Variants in CES5A observed in about 807,000 individuals in gnomAD.
CES5A encodes carboxylesterase 5.
Under a neutral mutation model 62.9 loss-of-function variants are expected in CES5A, and 67 were observed. The observed-to-expected ratio is 1.07, with a 90% CI of 0.88 to 1.31. CES5A has a LOEUF of 1.31. CES5A is among the 50% of genes most tolerant of loss of function. The pLI, the probability that CES5A is intolerant of heterozygous loss-of-function variation, is 0.00. For synonymous variants in CES5A, 296 were observed against 280.8 expected (o/e 1.05, Z -0.54); for missense variants, 748 against 708.5 (o/e 1.06, Z -0.63).
intron 2 of CES5A, among the ~76,000 whole-genome samples, chr16:55,941,797 G>A (rs2034449322): frequency 6.6e-6 from 1 of 152,032 alleles, no homozygotes; most frequent in Non-Finnish European, 1.5e-5. Context: ...GAGTTTCTTG[G>A]GGTGATCAAA....
intron 2 of CES5A, among the ~76,000 whole-genome samples, chr16:55,930,914 T>C (rs1402994872): frequency 6.6e-6 from 1 of 151,988 alleles, no homozygotes; most frequent in Non-Finnish European, 1.5e-5. Context: ...TCTTAAGTCA[T>C]AGACAAAAAA....
At position 55,866,671 on chromosome 16, in the gene CES5A, AAAAAAAATAC is replaced by A. The variant is rs1221327288; in HGVS notation, c.552-565_552-556del. On this transcript the variant is annotated intron_variant, in intron 4 of 12. Coordinates refer to ENST00000290567, the MANE Select transcript of CES5A (RefSeq NM_001143685.2). ...CTCTGTCTCTGCTAAAAAAAAAAAA[AAAAAAAATAC>A]AAAAAAATTAGCTGGACACGGTGGC... Among the ~76,000 whole-genome samples the A allele has an allele frequency of 8.5e-5, 12 of 140,612 alleles. 1 individual carries two copies. Among genetic ancestry groups the A allele is most frequent in the Non-Finnish European group, 1.1e-4 (7 of 63,730 alleles). The allele number at this position is 140,612 out of a possible 152,430, so 92.2% of individuals were successfully genotyped here. A position where few individuals can be genotyped will look rare whatever the true frequency, so the allele number is the denominator to read the frequency against.
rs1170954689 is a variant in CES5A at position 55,873,905 on chromosome 16, G to A, written c.206C>T (p.Ser69Phe). The change falls in exon 2 of 13, where the codon TCC (serine) becomes TTC (phenylalanine). Residue 69 changes from serine (S) to phenylalanine (F), a missense_variant. By Grantham distance (155) the Ser-to-Phe change is radical. Transcript: ENST00000290567. The part of the protein sequence containing the change: ...GVPFAAPPLG[S>F]LRFTNPQPAS... ...AGGCTGCGGGTTCGTAAATCGCAGG[G>A]ATCCCAGCGGGGGAGCAGCAAAGGG... 6.2e-7 allele frequency: 1 copy of A among 1,613,896 alleles called. No individual in the cohort carries two copies. Among genetic ancestry groups the A allele is most frequent in the Non-Finnish European group, 8.5e-7 (1 of 1,180,006 alleles).
At chr16:55,928,823 C>A (rs1455428492), upstream of CES5A, among the ~76,000 whole-genome samples, 1 of 152,180 alleles carries the variant, frequency 6.6e-6, no homozygotes, top group Non-Finnish European at 1.5e-5. Flanking sequence ...GCCTTTCCCC[C>A]ATCCCCTGCT....
rs78995996 is a variant in CES5A at position 55,953,663 on chromosome 16, T to C, written c.42+2181A>G. Among the ~76,000 whole-genome samples the C allele has an allele frequency of 8.9e-3, 1,347 of 152,144 alleles. 17 individuals carry two copies. The highest frequency in any genetic ancestry group is 0.027 in the African/African-American group (1,104 of 41,498). Reference sequence around the variant, plus strand: ...CTGGTTGTGATGTTACTAGGTGGAGTAGAGCTTAAATACCTGGTTTTGTTT... The same window carrying C: ...CTGGTTGTGATGTTACTAGGTGGAGCAGAGCTTAAATACCTGGTTTTGTTT... On this transcript the variant is annotated intron_variant, in intron 1 of 13. Coordinates refer to the CES5A transcript ENST00000521992.
At chr16:55,870,735 A>G (rs185562144) in intron 3 of CES5A, among the ~76,000 whole-genome samples, 1 of 152,274 alleles carries the variant, frequency 6.6e-6, no homozygotes, top group Non-Finnish European at 1.5e-5. Flanking sequence ...TATTGATTAG[A>G]AAAATTGGGA....
chr16:55,875,781 G>T (rs550780749), upstream of CES5A, among the ~76,000 whole-genome samples: 1 of 152,122 alleles, frequency 6.6e-6, no homozygotes, highest in South Asian at 2.1e-4. Flanking sequence ...AGGCTTCTTC[G>T]ATTATATTAT....
rs146072000 is a variant in CES5A, at chr16:55,849,337, G to C, written c.1423+287C>G. 5.1e-3 allele frequency among the ~76,000 whole-genome samples: 666 copies of C among 130,238 alleles called. 17 individuals carry two copies. Among genetic ancestry groups the C allele is most frequent in the Non-Finnish European group, 1.8e-3 (112 of 61,110 alleles). The allele number at this position is 130,238 out of a possible 152,430, so 85.4% of individuals were successfully genotyped here. A position where few individuals can be genotyped will look rare whatever the true frequency, so the allele number is the denominator to read the frequency against. On this transcript the variant is annotated intron_variant, in intron 11 of 12. Transcript: ENST00000290567. ...AGTGGTCAAAGAAAAGGAAGAAAAT[G>C]GTTCTAGTATATTAAAAAAAAAAAT...
At chr16:55,900,271 T>G (rs565297509) in intron 1 of CES5A, among the ~76,000 whole-genome samples, 67 of 152,208 alleles carry the variant, frequency 4.4e-4, no homozygotes, top group African/African-American at 1.6e-3. Context: ...TCATTCAGAC[T>G]CAAAAGAAAA....
In CES5A at chr16:55,846,197, A is replaced by T. The variant is rs1469796786; in HGVS notation, c.*254T>A. ...TTTATTTCATATGAGTTACAAAACC[A>T]TTATTATGACAACTAATAGGCCAGC... On this transcript the variant is annotated 3_prime_UTR_variant, in exon 13 of 13. Coordinates refer to ENST00000290567, the MANE Select transcript of CES5A (RefSeq NM_001143685.2). The T allele has an allele frequency of 1.9e-6, 1 of 535,192 alleles. No individual in the cohort carries two copies. The highest frequency in any genetic ancestry group is 1.9e-5 in the African/African-American group (1 of 52,592). The allele number at this position is 535,192 out of a possible 1,614,324, so 33.2% of individuals were successfully genotyped here.
intron 7 of CES5A, among the ~76,000 whole-genome samples, chr16:55,860,486 C>T (rs1256456600): frequency 1.3e-5 from 2 of 152,172 alleles, no homozygotes; most frequent in Non-Finnish European, 2.9e-5. Flanking sequence ...GTAGCTGGTC[C>T]TCCAGGTGAT....
At chr16:55,929,947 C>T (rs1296235436), upstream of CES5A, among the ~76,000 whole-genome samples, 2 of 151,898 alleles carry the variant, frequency 1.3e-5, no homozygotes, top group Non-Finnish European at 2.9e-5. Context: ...CTGTAAAACC[C>T]AATTGTGGCC....
chr16:55,866,710 C>A (rs1398340453), intron 4 of CES5A, among the ~76,000 whole-genome samples: 1 of 146,742 alleles, frequency 6.8e-6, no homozygotes, highest in Admixed American at 6.9e-5. Flanking sequence ...CGGTGGCAGG[C>A]GCCTGTAGTC....
At chr16:55,889,932 A>C (rs1417361736) in intron 1 of CES5A, among the ~76,000 whole-genome samples, 1 of 152,212 alleles carries the variant, frequency 6.6e-6, no homozygotes, top group African/African-American at 2.4e-5. Flanking sequence ...TATATATTTC[A>C]CAATATCACA....
rs146759375 is a variant in CES5A at position 55,856,287 on chromosome 16, G to A, written c.1125+90C>T. On this transcript the variant is annotated intron_variant, in intron 9 of 12. Transcript: ENST00000290567. ...ATGACTGAGTGAGTGAGGAGTGTCT[G>A]TGCCCTTGGCTTCTCCTGCTGAGTG... 3.3e-4 allele frequency: 372 copies of A among 1,123,558 alleles called. No individual in the cohort carries two copies. In the East Asian group the frequency reaches 7.3e-3, roughly 22 times the overall value. The allele number at this position is 1,123,558 out of a possible 1,614,324, so 69.6% of individuals were successfully genotyped here.
At chr16:55,859,714 T>C (rs759396518) in intron 7 of CES5A, 27 bp from the exon 8 acceptor site, 27 of 1,581,026 alleles carry the variant, frequency 1.7e-5, no homozygotes, top group Non-Finnish European at 2.2e-5. Context: ...AAAAAAATCA[T>C]CAGCTATCAT....
intron 4 of CES5A, among the ~76,000 whole-genome samples, chr16:55,867,263 G>A (rs772207042): frequency 6.6e-6 from 1 of 152,238 alleles, no homozygotes; most frequent in Non-Finnish European, 1.5e-5. Context: ...TTCAGGCACA[G>A]AGAGGTTAAA....
At chr16:55,885,100 G>A (rs770349802) in intron 1 of CES5A, among the ~76,000 whole-genome samples, 6 of 152,144 alleles carry the variant, frequency 3.9e-5, no homozygotes, top group Non-Finnish European at 8.8e-5. Context: ...TCTGCAGTGT[G>A]CAGCTTAGCC....
intron 1 of CES5A, among the ~76,000 whole-genome samples, chr16:55,894,514 A>AG: frequency 8.1e-6 from 1 of 123,138 alleles, no homozygotes; most frequent in East Asian, 2.7e-4. Flanking sequence ...AAAAAAAAAA[A>AG]AGAAAAGAAA....
Sources: gnomAD v4.1 joint callset for allele counts (sites outside exome capture counted in the v4.1 genomes callset) on GRCh38, gnomAD v4.1.1 for gene constraint, MANE v1.5 for transcripts, NCBI Gene and HGNC (gene_info 2026-07-23, HGNC 2026-07-21) for gene names.